The following DLG1 variants were observed in gnomAD, a reference collection of about 807,000 sequenced individuals.
The protein encoded by DLG1 is discs large MAGUK scaffold protein 1.
A neutral mutation model predicts 123.4 loss-of-function variants in DLG1; 42 were observed. That is an observed-to-expected ratio of 0.34 (90% CI 0.27 to 0.44). The LOEUF (loss-of-function observed/expected upper bound fraction) is 0.44, where lower values mean the gene tolerates loss of function less well. Among genes scored for constraint, DLG1 ranks in the 20% least tolerant of loss-of-function variants. The probability of loss-of-function intolerance (pLI) is 1.00; values close to 1 mark genes in which losing one functional copy is unlikely to be tolerated. For missense variants in DLG1, 942 were observed against 1,082.6 expected (o/e 0.87, Z 1.82); for synonymous variants, 317 against 356.2 (o/e 0.89, Z 1.24).
At chr3:197,191,428 T>C (rs1006165462) in intron 5 of DLG1, among the ~76,000 whole-genome samples, 6 of 152,198 alleles carry the variant, frequency 3.9e-5, no homozygotes. Context: ...ATATGCATGC[T>C]GGCTCACTGT....
In DLG1 at chr3:197,179,977, C is replaced by T. The variant is rs1181616744; in HGVS notation, c.483+14448G>A. On this transcript the variant is annotated intron_variant, in intron 5 of 24. Transcript: ENST00000667157. ...TTAAGAAAACTTTATTATTCTATTT[C>T]AATTCTGACAAGTTTTCATGTCTGT... is the stretch of plus-strand genomic sequence containing the variant. Among the ~76,000 whole-genome samples the T allele has an allele frequency of 2.0e-5, 3 of 147,308 alleles. No homozygotes were observed. In the Admixed American group the frequency reaches 2.1e-4, roughly 10 times the overall value.
Position 197,182,036 on chromosome 3 carries a change from T to C in DLG1, c.483+12389A>G, listed in dbSNP as rs186387963. On this transcript the variant is annotated intron_variant, in intron 5 of 24. Transcript: ENST00000667157. ...TACATGAACTACTTTTCCTGTCTTT[T>C]CATTTGCCTGCTTTTAATAAACCGA... Among the ~76,000 whole-genome samples, 12 of 152,336 alleles carry C rather than the reference T, an allele frequency of 7.9e-5. 1 individual carries two copies. Among genetic ancestry groups the C allele is most frequent in the Admixed American group, 7.8e-4 (12 of 15,300 alleles).
intron 5 of DLG1, among the ~76,000 whole-genome samples, chr3:197,153,130 A>G (rs1422946681): frequency 6.6e-6 from 1 of 152,096 alleles, no homozygotes; most frequent in African/African-American, 2.4e-5. Flanking sequence ...AAACTCACAA[A>G]CTCCAGAGAA....
In DLG1 at chr3:197,140,130, C is replaced by T; in HGVS notation, c.713+10G>A. 1 of 1,611,024 alleles carries T rather than the reference C, an allele frequency of 6.2e-7. No homozygotes were observed. The highest frequency in any genetic ancestry group is 8.5e-7 in the Non-Finnish European group (1 of 1,178,398). ...GGATTCAGCATCACAATAAAAAGCGCAAAACATACCGCAATCTTCCATCTT... is the reference window on the plus strand; with the variant it reads ...GGATTCAGCATCACAATAAAAAGCGTAAAACATACCGCAATCTTCCATCTT... On this transcript the variant is annotated intron_variant, in intron 8 of 24. Coordinates refer to ENST00000667157, the MANE Select transcript of DLG1 (RefSeq NM_001366207.1).
chr3:197,234,280 C>T (rs1466802917), intron 4 of DLG1, among the ~76,000 whole-genome samples: 1 of 152,150 alleles, frequency 6.6e-6, no homozygotes, highest in Non-Finnish European at 1.5e-5. Flanking sequence ...CCCAGATGAT[C>T]CAATTAAGAA....
At chr3:197,057,643 T>C (rs1248154824) in intron 23 of DLG1, among the ~76,000 whole-genome samples, 1 of 152,222 alleles carries the variant, frequency 6.6e-6, no homozygotes, top group Non-Finnish European at 1.5e-5. Context: ...TTTTTTAACC[T>C]GTATTTCCAT....
At chr3:197,247,750 G>C (rs13326428) in intron 4 of DLG1, among the ~76,000 whole-genome samples, 1 of 152,206 alleles carries the variant, frequency 6.6e-6, no homozygotes, top group East Asian at 1.9e-4. Flanking sequence ...GGACTATTAA[G>C]GGGAATGTTA....
chr3:197,052,797 C>T lies in DLG1; in HGVS notation c.2484-1129G>A, dbSNP rs141951700. Among the ~76,000 whole-genome samples, 170 of 151,930 alleles carry T rather than the reference C, an allele frequency of 1.1e-3. 1 individual carries two copies. The East Asian group carries it at 0.018, about 16-fold the overall frequency. ...TATCACAAATAAATGGGAGGTGTGG[C>T]GGGGTGGGGGCATAAAAGAGAGATG... On this transcript the variant is annotated intron_variant, in intron 23 of 24. Coordinates refer to ENST00000667157, the MANE Select transcript of DLG1 (RefSeq NM_001366207.1).
intron 22 of DLG1, 47 bp downstream of exon 22, chr3:197,065,229 G>A (rs1738739653): frequency 1.3e-6 from 2 of 1,530,412 alleles, no homozygotes; most frequent in African/African-American, 1.4e-5. Flanking sequence ...TACTGTCAAA[G>A]GCATATCTGA....
chr3:197,260,455 T>C (rs1758835118), intron 4 of DLG1: 3 of 209,114 alleles, frequency 1.4e-5, no homozygotes, highest in Non-Finnish European at 3.0e-5. Context: ...GGTAGCAATT[T>C]TTCTACTATC....
At chr3:197,139,018 CAATT>C (rs770691739) in intron 8 of DLG1, among the ~76,000 whole-genome samples, 8 of 152,222 alleles carry the variant, frequency 5.3e-5, no homozygotes, top group African/African-American at 1.2e-4. Context: ...AGACATAAAA[CAATT>C]AAGTTATTTT....
chr3:197,221,079 A>G (rs959946119), intron 4 of DLG1, among the ~76,000 whole-genome samples: 2 of 152,230 alleles, frequency 1.3e-5, no homozygotes, highest in Non-Finnish European at 2.9e-5. Flanking sequence ...GTGCTCAGTG[A>G]ACTGTTTCAA....
At chr3:197,082,439 G>A (rs928392825) in intron 16 of DLG1, among the ~76,000 whole-genome samples, 1 of 152,022 alleles carries the variant, frequency 6.6e-6, no homozygotes, top group African/African-American at 2.4e-5. Flanking sequence ...GAGGCTCCAT[G>A]ACCTGAATAA....
At chr3:197,057,084 T>C (rs1403096939) in intron 23 of DLG1, among the ~76,000 whole-genome samples, 1 of 74,582 alleles carries the variant, frequency 1.3e-5, no homozygotes, top group Non-Finnish European at 2.8e-5. Context: ...TGACTCTTTG[T>C]TTTTTTTTAG....
intron 4 of DLG1, among the ~76,000 whole-genome samples, chr3:197,246,854 G>C (rs1370548916): frequency 6.6e-6 from 1 of 152,128 alleles, no homozygotes; most frequent in East Asian, 1.9e-4. Context: ...TGAGGGTCTT[G>C]GGCTGGAAAT....
chr3:197,297,194 C>T lies in DLG1; in HGVS notation c.11G>A (p.Arg4Gln). 6.2e-7 allele frequency: 1 copy of T among 1,614,080 alleles called. No individual in the cohort carries two copies. Among genetic ancestry groups the T allele is most frequent in the Non-Finnish European group, 8.5e-7 (1 of 1,180,020 alleles). Residue 4 changes from arginine (R) to glutamine (Q), a missense_variant, in exon 2 of 25, where the codon CGG (arginine) becomes CAG (glutamine). Coordinates refer to ENST00000667157, the MANE Select transcript of DLG1 (RefSeq NM_001366207.1). ...ACGGAATAAACTCTCACCTTGCTTCCGGACCGGCATTTTTCTCCAGAATCA... is the reference window on the plus strand; with the variant it reads ...ACGGAATAAACTCTCACCTTGCTTCTGGACCGGCATTTTTCTCCAGAATCA... Reference protein sequence around the residue: MPVRKQDTQRALHL... With the variant: MPVQKQDTQRALHL...
intron 5 of DLG1, among the ~76,000 whole-genome samples, chr3:197,158,940 A>G (rs1797648147): frequency 6.6e-6 from 1 of 152,232 alleles, no homozygotes; most frequent in Non-Finnish European, 1.5e-5. Context: ...TTTAAAGCAG[A>G]GTATTTACTC....
intron 4 of DLG1, among the ~76,000 whole-genome samples, chr3:197,197,802 T>C (rs1473731701): frequency 1.3e-5 from 2 of 152,206 alleles, no homozygotes; most frequent in Admixed American, 6.5e-5. Flanking sequence ...TATAGATATA[T>C]AGATCAATGG....
intron 23 of DLG1, among the ~76,000 whole-genome samples, chr3:197,053,593 G>A (rs2148736548): frequency 6.6e-6 from 1 of 151,486 alleles, no homozygotes; most frequent in South Asian, 2.1e-4. Flanking sequence ...CCAACATGGT[G>A]AAATCCCGTC....
Sources: allele counts gnomAD v4.1 joint callset (sites outside exome capture counted in the v4.1 genomes callset), GRCh38; gene constraint gnomAD v4.1.1; transcripts MANE v1.5; gene names NCBI Gene and HGNC (gene_info 2026-07-23, HGNC 2026-07-21).